Variants in MANSC4 observed in about 807,000 individuals in gnomAD.
The protein encoded by MANSC4 is MANSC domain containing 4.
In MANSC4, 11 loss-of-function variants were observed where a neutral mutation model predicts 11.4. That is an observed-to-expected ratio of 0.97 (90% CI 0.61 to 1.60). The LOEUF (loss-of-function observed/expected upper bound fraction) is 1.60, where lower values mean the gene tolerates loss of function less well. Among genes scored for constraint, MANSC4 ranks in the 40% most tolerant of loss-of-function variants. The pLI is 0.00. For synonymous variants in MANSC4, 123 were observed against 147.1 expected, an observed-to-expected ratio of 0.84 and a Z score of 1.19; for missense variants, 354 against 404.6, an observed-to-expected ratio of 0.88 and a Z score of 1.07.
At chr12:27,765,314 A>G (rs1304268202) in intron 3 of MANSC4, among the ~76,000 whole-genome samples, 1 of 152,186 alleles carries the variant, frequency 6.6e-6, no homozygotes, top group East Asian at 1.9e-4. Flanking sequence ...ACCTGCATAT[A>G]ATTTTCCTGG....
At chr12:27,766,615 C>T in intron 3 of MANSC4, 50 bp downstream of exon 3, 3 of 1,532,562 alleles carry the variant, frequency 2.0e-6, no homozygotes, top group Non-Finnish European at 1.8e-6. Context: ...TATGCCTCTA[C>T]TAGAATATCG....
At chr12:27,772,096 A>C (rs2062103266) in intron 1 of MANSC4, among the ~76,000 whole-genome samples, 1 of 152,182 alleles carries the variant, frequency 6.6e-6, no homozygotes, top group Non-Finnish European at 1.5e-5. Flanking sequence ...AAAATGGTGA[A>C]ATCTTTTTAA....
At position 27,763,214 on chromosome 12, in the gene MANSC4, C is replaced by A; in HGVS notation, c.547G>T (p.Val183Phe). 1 of 1,551,656 alleles carries A rather than the reference C, an allele frequency of 6.4e-7. No homozygotes were observed. Among genetic ancestry groups the A allele is most frequent in the Non-Finnish European group, 8.7e-7 (1 of 1,147,014 alleles). ...APSSTTHQDLVVNTNSTSYSK... is the reference protein window; with the variant it reads ...APSSTTHQDLFVNTNSTSYSK... ...TAACTGGTACTGTTTGTGTTTACAA[C>A]CAAATCTTGATGCGTGGTTGAGGAT... The change falls in exon 4 of 4, where the codon GTT becomes TTT. Residue 183 changes from valine to phenylalanine, a missense_variant. Transcript: ENST00000381273.
At position 27,762,484 on chromosome 12, in the gene MANSC4, G is replaced by A. The variant is rs2062051217; in HGVS notation, c.*254C>T. ...AGCCTCCTAAGTAGCTGGGACCACA[G>A]GTGCATCATATCGCCCCATGTGCTT... On this transcript the variant is annotated 3_prime_UTR_variant, in exon 4 of 4. Transcript: ENST00000381273. Among the ~76,000 whole-genome samples the A allele has an allele frequency of 6.6e-6, 1 of 151,654 alleles. No homozygotes were observed. Among genetic ancestry groups the A allele is most frequent in the Non-Finnish European group, 1.5e-5 (1 of 67,936 alleles).
intron 3 of MANSC4, among the ~76,000 whole-genome samples, chr12:27,765,659 C>A (rs2062069383): frequency 6.6e-6 from 1 of 152,098 alleles, no homozygotes; most frequent in African/African-American, 2.4e-5. Flanking sequence ...TGTGTCTTAA[C>A]AATAATTGTA....
intron 1 of MANSC4, among the ~76,000 whole-genome samples, chr12:27,778,225 C>CA (rs34172632): frequency 0.43 from 57,325 of 134,742 alleles, 11,714 homozygotes; most frequent in Admixed American, 0.52. Context: ...AACTCTGTCT[C>CA]AAAAAAAAAA....
chr12:27,776,187 A>C (rs1004844901), intron 1 of MANSC4, among the ~76,000 whole-genome samples: 2 of 152,094 alleles, frequency 1.3e-5, no homozygotes, highest in Non-Finnish European at 2.9e-5. Flanking sequence ...CTACCATACC[A>C]AAATTTACTC....
At chr12:27,770,839 T>A (rs898794555) in intron 2 of MANSC4, among the ~76,000 whole-genome samples, 4 of 152,184 alleles carry the variant, frequency 2.6e-5, no homozygotes, top group African/African-American at 9.6e-5. Flanking sequence ...TCTGGGTCAT[T>A]ATTAGATCTG....
intron 1 of MANSC4, among the ~76,000 whole-genome samples, chr12:27,774,698 T>A (rs1222541242): frequency 6.6e-6 from 1 of 152,112 alleles, no homozygotes. Flanking sequence ...GCTTTGTTGA[T>A]GGAAAAGAGC....
rs1263237768 is a variant in MANSC4 at position 27,763,272 on chromosome 12, C to T, written c.489G>A (p.Thr163=). The change falls in exon 4 of 4, where the codon ACG becomes ACA. Residue 163 remains threonine, a synonymous_variant. Coordinates refer to ENST00000381273, the MANE Select transcript of MANSC4 (RefSeq NM_001146221.5). ...CTGTGGATGGCAGCATACCATTTAT[C>T]GTGGTGGTTTGTTTATCTAAATTCA... The part of the protein sequence containing the change: ...KAMNLDKQTT[T]INGMLPSTEA... 15 of 1,551,552 alleles carry T rather than the reference C, an allele frequency of 9.7e-6. No individual in the cohort carries two copies. The highest frequency in any genetic ancestry group is 6.8e-5 in the African/African-American group (5 of 73,026).
intron 3 of MANSC4, among the ~76,000 whole-genome samples, chr12:27,764,852 G>A (rs559613168): frequency 7.9e-5 from 12 of 151,944 alleles, no homozygotes; most frequent in Non-Finnish European, 1.5e-4. Flanking sequence ...ACTGTAAGGT[G>A]ATTTTTTTTT....
At position 27,771,170 on chromosome 12, in the gene MANSC4, C is replaced by T. The variant is rs376837865; in HGVS notation, c.107G>A (p.Arg36His). ...ATTGATTAGAAGACCTGGGAAGCGA[C>T]GGATCCAGCAGTCTCTGTAAAAAAT... ...PTIFYRDCWI[R>H]RFPGLLINLE... The change falls in exon 2 of 4, where the codon CGT becomes CAT. Residue 36 changes from arginine to histidine, a missense_variant. Transcript: ENST00000381273. The T allele has an allele frequency of 8.8e-5, 137 of 1,552,038 alleles. 1 individual carries two copies. The South Asian group carries it at 1.1e-3, about 12-fold the overall frequency.
intron 3 of MANSC4, among the ~76,000 whole-genome samples, chr12:27,766,420 G>GTT (rs1218393792): frequency 6.6e-6 from 1 of 152,130 alleles, no homozygotes; most frequent in Non-Finnish European, 1.5e-5. Context: ...GAAATACAGT[G>GTT]GGTAAGCTCT....
chr12:27,768,419 A>AG (rs1374744349), intron 2 of MANSC4, among the ~76,000 whole-genome samples: 64 of 95,822 alleles, frequency 6.7e-4, no homozygotes, highest in Middle Eastern at 5.1e-3. Flanking sequence ...AAAAAAAAAA[A>AG]AAAGAAAAAG....
chr12:27,768,863 C>T lies in MANSC4; in HGVS notation c.230-2064G>A, dbSNP rs769994154. ...CAGGCTGGTCTCCAACTCCTAACCT[C>T]GAGTGATCTGCCTGCCTCGGCCTCC... On this transcript the variant is annotated intron_variant, in intron 2 of 3. Transcript: ENST00000381273. Among the ~76,000 whole-genome samples, 9 of 152,130 alleles carry T rather than the reference C, an allele frequency of 5.9e-5. No individual in the cohort carries two copies. The South Asian group carries it at 6.2e-4, about 11-fold the overall frequency.
At chr12:27,766,206 T>C (rs1288300239) in intron 3 of MANSC4, among the ~76,000 whole-genome samples, 2 of 152,108 alleles carry the variant, frequency 1.3e-5, no homozygotes, top group African/African-American at 4.8e-5. Context: ...TAGCTGGGAC[T>C]ACAGGTGTGC....
intron 3 of MANSC4, among the ~76,000 whole-genome samples, chr12:27,766,340 A>T (rs966337164): frequency 1.3e-5 from 2 of 152,226 alleles, no homozygotes; most frequent in Non-Finnish European, 2.9e-5. Flanking sequence ...TGCTGGGATT[A>T]CAGGCATGAG....
At chr12:27,774,117 C>T (rs2062110392) in intron 1 of MANSC4, among the ~76,000 whole-genome samples, 2 of 151,876 alleles carry the variant, frequency 1.3e-5, no homozygotes, top group Admixed American at 1.3e-4. Flanking sequence ...CACTGCACCC[C>T]AGCCTGGGAG....
chr12:27,763,323 C>A lies in MANSC4; in HGVS notation c.438G>T (p.Trp146Cys). 1 of 1,551,696 alleles carries A rather than the reference C, an allele frequency of 6.4e-7. No individual in the cohort carries two copies. The highest frequency in any genetic ancestry group is 8.7e-7 in the Non-Finnish European group (1 of 1,146,992). ...YLNTRSSSNR[W>C]DRLRILKAMN... ...TAGCTTTTAGAATCCTTAGTCTGTC[C>A]CATCTATTGGATGAAGAACGAGTAT... The change falls in exon 4 of 4, where the codon TGG (tryptophan) becomes TGT (cysteine). Residue 146 changes from tryptophan to cysteine, a missense_variant. Transcript: ENST00000381273.
Sources: allele counts gnomAD v4.1 joint callset (sites outside exome capture counted in the v4.1 genomes callset), GRCh38; gene constraint gnomAD v4.1.1; transcripts MANE v1.5; gene names NCBI Gene and HGNC (gene_info 2026-07-23, HGNC 2026-07-21).